MAN1A1: variants seen among roughly 807,000 people sequenced by gnomAD.
MAN1A1 encodes the protein mannosyl-oligosaccharide 1,2-alpha-mannosidase IA.
In MAN1A1, 29 loss-of-function variants were observed where a neutral mutation model predicts 70.8. That is an observed-to-expected ratio of 0.41 (90% confidence interval 0.31 to 0.56). The LOEUF (loss-of-function observed/expected upper bound fraction) is 0.56, where lower values mean the gene tolerates loss of function less well. Ranked by LOEUF, MAN1A1 falls within the 20% of genes least tolerant of loss-of-function variation. The probability of loss-of-function intolerance (pLI) is 0.29; values close to 1 mark genes in which losing one functional copy is unlikely to be tolerated. For missense variants in MAN1A1, 747 were observed against 841.3 expected (o/e 0.89, Z 1.39); for synonymous variants, 349 against 330.1 (o/e 1.06, Z -0.62).
At chr6:119,350,141 C>G (rs987491602), upstream of MAN1A1, among the ~76,000 whole-genome samples, 1 of 152,130 alleles carries the variant, frequency 6.6e-6, no homozygotes, top group African/African-American at 2.4e-5. Flanking sequence ...TGGGTCCGCG[C>G]GGGACCTCTC....
intron 8 of MAN1A1, among the ~76,000 whole-genome samples, chr6:119,199,114 T>A (rs917656288): frequency 6.6e-6 from 1 of 152,234 alleles, no homozygotes; most frequent in African/African-American, 2.4e-5. Flanking sequence ...CATTCCATTA[T>A]ACAATATCAG....
rs1773031835 is a variant in MAN1A1, at chr6:119,177,311, A to G, written c.*2508T>C. The G allele has an allele frequency of 6.6e-6, 1 of 152,148 alleles. No homozygotes were observed. The highest frequency in any genetic ancestry group is 6.5e-5 in the Admixed American group (1 of 15,278). The allele number at this position is 152,148 out of a possible 1,614,324, so 9.4% of individuals were successfully genotyped here. A position where few individuals can be genotyped will look rare whatever the true frequency, so the allele number is the denominator to read the frequency against. On this transcript the variant is annotated 3_prime_UTR_variant, in exon 13 of 13. Coordinates refer to ENST00000368468, the MANE Select transcript of MAN1A1 (RefSeq NM_005907.4). ...CCCATAACATTGGAGATTTATATAT[A>G]AAGTTGAAAATGACAGAATGGATTT... is the stretch of plus-strand genomic sequence containing the variant.
intron 6 of MAN1A1, among the ~76,000 whole-genome samples, chr6:119,216,209 G>A (rs1774196818): frequency 6.6e-6 from 1 of 152,128 alleles, no homozygotes; most frequent in Non-Finnish European, 1.5e-5. Flanking sequence ...TTTAAACAGG[G>A]GATGATAAAG....
chr6:119,216,142 T>C (rs953211779), intron 6 of MAN1A1, among the ~76,000 whole-genome samples: 1 of 152,190 alleles, frequency 6.6e-6, no homozygotes, highest in African/African-American at 2.4e-5. Flanking sequence ...ACAGGGACAC[T>C]AGGCCAGATC....
At chr6:119,332,986 GAGTAA>G (rs1773358927) in intron 2 of MAN1A1, among the ~76,000 whole-genome samples, 1 of 152,018 alleles carries the variant, frequency 6.6e-6, no homozygotes, top group African/African-American at 2.4e-5. Context: ...GGGCACTCCA[GAGTAA>G]AGTAAAGGAG....
In MAN1A1 at chr6:119,332,906, G is replaced by A. The variant is rs545466532; in HGVS notation, c.603+15557C>T. Among the ~76,000 whole-genome samples the A allele has an allele frequency of 1.4e-4, 22 of 152,076 alleles. No homozygotes were observed. In the South Asian group the frequency reaches 3.1e-3, roughly 22 times the overall value. On this transcript the variant is annotated intron_variant, in intron 2 of 12. Coordinates refer to ENST00000368468, the MANE Select transcript of MAN1A1 (RefSeq NM_005907.4). ...TTGGTATATACCAGTGGAAGACTCC[G>A]GGCTGCATAACACACAACAGACACT...
intron 2 of MAN1A1, among the ~76,000 whole-genome samples, chr6:119,331,070 GATTT>G (rs1039620730): frequency 4.6e-5 from 7 of 152,076 alleles, no homozygotes; most frequent in African/African-American, 1.7e-4. Flanking sequence ...TTCTTAATCT[GATTT>G]ATTAAAGGAA....
At chr6:119,287,934 A>G (rs1776422530) in intron 5 of MAN1A1, among the ~76,000 whole-genome samples, 1 of 152,014 alleles carries the variant, frequency 6.6e-6, no homozygotes, top group African/African-American at 2.4e-5. Context: ...AGCTTCTTAT[A>G]TAGCATTTGA....
At chr6:119,261,358 G>C (rs1214494898) in intron 5 of MAN1A1, among the ~76,000 whole-genome samples, 1 of 152,088 alleles carries the variant, frequency 6.6e-6, no homozygotes, top group Non-Finnish European at 1.5e-5. Flanking sequence ...TTTCAAAAAG[G>C]AATTGCTTGC....
intron 2 of MAN1A1, among the ~76,000 whole-genome samples, chr6:119,334,470 C>G (rs1253540411): frequency 6.6e-6 from 1 of 152,152 alleles, no homozygotes; most frequent in African/African-American, 2.4e-5. Context: ...AAGACTAAAA[C>G]AGCCAAAATG....
chr6:119,313,375 G>C (rs1772764874), intron 2 of MAN1A1, among the ~76,000 whole-genome samples: 1 of 152,006 alleles, frequency 6.6e-6, no homozygotes. Context: ...TCATCACCCA[G>C]TATGTGAAAA....
chr6:119,200,100 AAG>A (rs1346229762), intron 8 of MAN1A1, among the ~76,000 whole-genome samples: 1 of 152,204 alleles, frequency 6.6e-6, no homozygotes, highest in East Asian at 1.9e-4. Context: ...CAGAGGCAGA[AAG>A]AGAGATGAGA....
At chr6:119,336,123 G>A (rs1441989928) in intron 2 of MAN1A1, among the ~76,000 whole-genome samples, 1 of 152,060 alleles carries the variant, frequency 6.6e-6, no homozygotes, top group African/African-American at 2.4e-5. Flanking sequence ...AGGCTGGAGT[G>A]CAGTGGCACA....
At chr6:119,199,914 T>C (rs1303100542) in intron 8 of MAN1A1, among the ~76,000 whole-genome samples, 1 of 151,300 alleles carries the variant, frequency 6.6e-6, no homozygotes, top group Non-Finnish European at 1.5e-5. Flanking sequence ...GGTGACACAG[T>C]GGGACCCTGT....
At position 119,227,620 on chromosome 6, in the gene MAN1A1, C is replaced by A. The variant is rs542080082; in HGVS notation, c.992+20640G>T. On this transcript the variant is annotated intron_variant, in intron 6 of 12. Coordinates refer to ENST00000368468, the MANE Select transcript of MAN1A1 (RefSeq NM_005907.4). ...CAGTAGCTGAGACCACAGGTGCACA[C>A]CACCATGAGCAGCTATTTTTAAATG... 3.3e-5 allele frequency among the ~76,000 whole-genome samples: 5 copies of A among 152,248 alleles called. No individual in the cohort carries two copies. In the South Asian group the frequency reaches 8.3e-4, roughly 25 times the overall value.
At chr6:119,292,864 C>T (rs561857441) in intron 4 of MAN1A1, among the ~76,000 whole-genome samples, 1 of 152,112 alleles carries the variant, frequency 6.6e-6, no homozygotes, top group African/African-American at 2.4e-5. Flanking sequence ...TTGGCAAAGG[C>T]TTTAATATTC....
In MAN1A1 at chr6:119,306,995, G is replaced by GAA; in HGVS notation, c.604-5_604-4dup. ...TTATTCCAAGCATGTTTCATCATCT[G>GAA]AAAAAAAAAATAAAAACAGGATTAT... On this transcript the variant is annotated splice_region_variant and splice_polypyrimidine_tract_variant and intron_variant, in intron 2 of 12. Coordinates refer to ENST00000368468, the MANE Select transcript of MAN1A1 (RefSeq NM_005907.4). 24 of 1,392,718 alleles carry GAA rather than the reference G, an allele frequency of 1.7e-5. No individual in the cohort carries two copies. The highest frequency in any genetic ancestry group is 2.0e-5 in the Admixed American group (1 of 50,312). 86.3% of individuals were successfully genotyped at this position (1,392,718 alleles called of 1,614,324 possible).
intron 2 of MAN1A1, among the ~76,000 whole-genome samples, chr6:119,315,682 C>A (rs779698006): frequency 2.6e-5 from 4 of 152,164 alleles, no homozygotes; most frequent in Non-Finnish European, 4.4e-5. Flanking sequence ...TTTAGCAACT[C>A]AAAAGTTAGA....
intron 5 of MAN1A1, among the ~76,000 whole-genome samples, chr6:119,252,801 T>TA (rs373356708): frequency 6.0e-5 from 9 of 151,138 alleles, no homozygotes; most frequent in African/African-American, 1.9e-4. Flanking sequence ...CAAAAAAAAA[T>TA]AAAAAAAATA....
Sources: gnomAD v4.1 joint callset for allele counts (sites outside exome capture counted in the v4.1 genomes callset) on GRCh38, gnomAD v4.1.1 for gene constraint, MANE v1.5 for transcripts, NCBI Gene and HGNC (gene_info 2026-07-23, HGNC 2026-07-21) for gene names.